OLA1: variants seen among roughly 807,000 people sequenced by gnomAD.
OLA1 encodes Obg like ATPase 1, also known as obg-like ATPase 1.
OLA1 carries 14 observed loss-of-function variants against 48.4 expected under a neutral mutation model. The ratio of observed to expected loss-of-function variants is 0.29; its 90% CI spans 0.19 to 0.45. OLA1 has a LOEUF of 0.45. Among genes scored for constraint, OLA1 ranks in the 20% least tolerant of loss-of-function variants. The pLI, the probability that OLA1 is intolerant of heterozygous loss-of-function variation, is 1.00. For missense variants in OLA1, 325 were observed against 467.1 expected (o/e 0.70, Z 2.80); for synonymous variants, 127 against 150.4 (o/e 0.84, Z 1.14).
chr2:174,155,161 C>T (rs1489834386), intron 4 of OLA1, among the ~76,000 whole-genome samples: 2 of 152,054 alleles, frequency 1.3e-5, no homozygotes, highest in East Asian at 3.8e-4. Context: ...TGCCTAGTTA[C>T]CTAAGCTTGG....
chr2:174,146,693 GA>G (rs1686609089), intron 4 of OLA1, among the ~76,000 whole-genome samples: 1 of 151,882 alleles, frequency 6.6e-6, no homozygotes, highest in South Asian at 2.1e-4. Flanking sequence ...GAGAGCGAGG[GA>G]AAAAAATGTT....
chr2:174,112,740 G>A (rs1685683100), intron 7 of OLA1, among the ~76,000 whole-genome samples: 1 of 152,126 alleles, frequency 6.6e-6, no homozygotes, highest in Non-Finnish European at 1.5e-5. Context: ...CTTCTGCCAT[G>A]GGATGACCCT....
intron 5 of OLA1, among the ~76,000 whole-genome samples, chr2:174,140,439 C>T (rs1424589931): frequency 6.6e-6 from 1 of 151,634 alleles, no homozygotes; most frequent in African/African-American, 2.4e-5. Flanking sequence ...ATGATCTGGG[C>T]TCACTGCAGC....
In OLA1 at chr2:174,210,841, A is replaced by G. The variant is rs1263459496; in HGVS notation, c.373+12192T>C. The stretch of plus-strand genomic sequence containing the variant: ...AAAGACAATAAGATTGCTGAAATCT[A>G]CTTAAAAGGCTGTGCTTCTTCCTCT... On this transcript the variant is annotated intron_variant, in intron 4 of 10. Coordinates refer to ENST00000284719, the MANE Select transcript of OLA1 (RefSeq NM_013341.5). Among the ~76,000 whole-genome samples, 129 of 152,208 alleles carry G rather than the reference A, an allele frequency of 8.5e-4. 2 individuals are homozygous for G. The highest frequency in any genetic ancestry group is 1.5e-5 in the Non-Finnish European group (1 of 68,020).
intron 3 of OLA1, among the ~76,000 whole-genome samples, chr2:174,228,827 T>C (rs1688667361): frequency 6.6e-6 from 1 of 152,174 alleles, no homozygotes; most frequent in Non-Finnish European, 1.5e-5. Flanking sequence ...AAAAAAATAA[T>C]TGCAATGTTA....
At chr2:174,170,675 A>G (rs73035737) in intron 4 of OLA1, among the ~76,000 whole-genome samples, 4,001 of 152,294 alleles carry the variant, frequency 0.026, 169 homozygotes, top group African/African-American at 0.09. Flanking sequence ...AGACAGAAGG[A>G]CTGCTTGAGG....
intron 4 of OLA1, among the ~76,000 whole-genome samples, chr2:174,156,394 T>C (rs766374035): frequency 1.3e-5 from 2 of 152,030 alleles, no homozygotes; most frequent in Non-Finnish European, 2.9e-5. Context: ...AAGACAAAAA[T>C]TGTGCTATGT....
At chr2:174,187,251 G>A (rs898091268) in intron 4 of OLA1, among the ~76,000 whole-genome samples, 8 of 152,198 alleles carry the variant, frequency 5.3e-5, no homozygotes, top group Non-Finnish European at 1.0e-4. Context: ...TGTGATGCCA[G>A]AACAAGTCTA....
intron 4 of OLA1, among the ~76,000 whole-genome samples, chr2:174,200,417 T>C (rs541081951): frequency 6.6e-6 from 1 of 152,284 alleles, no homozygotes; most frequent in South Asian, 2.1e-4. Context: ...TTATAGCAGT[T>C]AGAAAAAGAA....
At chr2:174,096,076 A>G (rs1685249235) in intron 7 of OLA1, among the ~76,000 whole-genome samples, 1 of 152,230 alleles carries the variant, frequency 6.6e-6, no homozygotes, top group Non-Finnish European at 1.5e-5. Context: ...AATAAGTAGT[A>G]TATCCATACA....
At chr2:174,146,436 A>C (rs1031678489) in intron 4 of OLA1, among the ~76,000 whole-genome samples, 2 of 152,254 alleles carry the variant, frequency 1.3e-5, no homozygotes, top group African/African-American at 4.8e-5. Flanking sequence ...GGTACTCAAG[A>C]CTGTGGAGAA....
chr2:174,149,922 T>C (rs923192665), intron 4 of OLA1, among the ~76,000 whole-genome samples: 2 of 152,182 alleles, frequency 1.3e-5, no homozygotes, highest in South Asian at 4.1e-4. Context: ...TGAACCACTT[T>C]CCTATATTAC....
intron 4 of OLA1, among the ~76,000 whole-genome samples, chr2:174,167,697 T>C (rs1167646025): frequency 2.0e-5 from 3 of 152,206 alleles, no homozygotes; most frequent in African/African-American, 4.8e-5. Flanking sequence ...TAATAATCAA[T>C]ATAAGAATAT....
intron 4 of OLA1, among the ~76,000 whole-genome samples, chr2:174,219,584 T>C (rs1019902450): frequency 4.6e-5 from 7 of 151,876 alleles, no homozygotes; most frequent in African/African-American, 1.7e-4. Context: ...CATGCCACCA[T>C]ACCCAGCTAA....
chr2:174,227,021 G>C (rs988528368), intron 3 of OLA1, among the ~76,000 whole-genome samples: 3 of 151,856 alleles, frequency 2.0e-5, no homozygotes, highest in African/African-American at 7.3e-5. Context: ...CCGTGCCCAG[G>C]AGTTTGAGGC....
intron 7 of OLA1, among the ~76,000 whole-genome samples, chr2:174,114,201 G>C (rs1251050014): frequency 2.1e-5 from 3 of 143,882 alleles, no homozygotes; most frequent in Non-Finnish European, 1.5e-5. Context: ...AAATTAGCCA[G>C]CCTGGTGGCG....
chr2:174,201,969 T>C (rs1688000455), intron 4 of OLA1, among the ~76,000 whole-genome samples: 1 of 152,214 alleles, frequency 6.6e-6, no homozygotes. Context: ...AACATGGCTT[T>C]GAACTGAGAG....
intron 4 of OLA1, among the ~76,000 whole-genome samples, chr2:174,210,051 G>A (rs910740517): frequency 6.6e-6 from 1 of 152,038 alleles, no homozygotes; most frequent in Non-Finnish European, 1.5e-5. Context: ...CATCAAGGAA[G>A]TATATACAGA....
intron 7 of OLA1, among the ~76,000 whole-genome samples, chr2:174,095,202 G>A (rs2105348716): frequency 6.6e-6 from 1 of 152,046 alleles, no homozygotes; most frequent in East Asian, 1.9e-4. Flanking sequence ...GTAATTCTAT[G>A]CTTAGCTTTT....
Sources: allele counts gnomAD v4.1 joint callset (sites outside exome capture counted in the v4.1 genomes callset), GRCh38; gene constraint gnomAD v4.1.1; transcripts MANE v1.5; gene names NCBI Gene and HGNC (gene_info 2026-07-23, HGNC 2026-07-21).